The following CDR2 variants were observed in gnomAD, a reference collection of about 807,000 sequenced individuals.
The protein encoded by CDR2 is cerebellar degeneration related protein 2, also known as cerebellar degeneration-related protein 2.
A neutral mutation model predicts 48.4 loss-of-function variants in CDR2; 34 were observed. The ratio of observed to expected loss-of-function variants is 0.70; its 90% confidence interval spans 0.53 to 0.94. The LOEUF is 0.94. Ranked by LOEUF, CDR2 falls within the 40% of genes least tolerant of loss-of-function variation. The probability of loss-of-function intolerance (pLI) is 0.00; values close to 1 mark genes in which losing one functional copy is unlikely to be tolerated. For missense variants in CDR2, 498 were observed against 549.5 expected, an observed-to-expected ratio of 0.91 and a Z score of 0.94; for synonymous variants, 240 against 219.7, an observed-to-expected ratio of 1.09 and a Z score of -0.82.
chr16:22,358,683 A>G (rs2048992265), intron 2 of CDR2, among the ~76,000 whole-genome samples: 1 of 152,190 alleles, frequency 6.6e-6, no homozygotes, highest in Non-Finnish European at 1.5e-5. Flanking sequence ...TTACTATCAA[A>G]ATGAACTTCC....
intron 4 of CDR2, 167 bp downstream of exon 4, chr16:22,349,112 C>T: frequency 1.5e-6 from 1 of 665,466 alleles, no homozygotes; most frequent in South Asian, 1.9e-5. Context: ...CTACTAATAT[C>T]TAAGAACTCT....
At chr16:22,368,936 A>T (rs544222103) in intron 1 of CDR2, 1 of 152,376 alleles carries the variant, frequency 6.6e-6, no homozygotes, top group African/African-American at 2.4e-5. Flanking sequence ...GGAACTATGT[A>T]TGGCTCAACA....
intron 2 of CDR2, among the ~76,000 whole-genome samples, chr16:22,360,845 G>A: frequency 6.8e-6 from 1 of 148,052 alleles, no homozygotes; most frequent in East Asian, 2.0e-4. Flanking sequence ...CGCCCTGCAG[G>A]TTCAAGGGAT....
chr16:22,347,108 C>CA lies in CDR2; in HGVS notation c.1221dup (p.Val408CysfsTer20). 1 of 1,614,216 alleles carries CA rather than the reference C, an allele frequency of 6.2e-7. No individual in the cohort carries two copies. Among genetic ancestry groups the CA allele is most frequent in the South Asian group, 1.1e-5 (1 of 91,088 alleles). On this transcript the variant is annotated frameshift_variant, in exon 5 of 5. Transcript: ENST00000268383. LOFTEE classifies it high-confidence loss of function. ...GGGGAACTCACGGGCTCTGGGTTGA[C>CA]AGAGGCCAGTTCCCAGCCGCTGGCA...
intron 2 of CDR2, among the ~76,000 whole-genome samples, chr16:22,357,331 G>A (rs1373019462): frequency 3.3e-5 from 5 of 152,188 alleles, no homozygotes; most frequent in Non-Finnish European, 7.4e-5. Flanking sequence ...TTACAGGCAT[G>A]AGCCACCGTG....
chr16:22,355,753 A>G (rs957956917), intron 2 of CDR2, among the ~76,000 whole-genome samples: 10 of 152,186 alleles, frequency 6.6e-5, no homozygotes, highest in Admixed American at 1.3e-4. Flanking sequence ...TTACAAATAA[A>G]TTAACTTTGA....
chr16:22,370,329 C>T (rs926633940), intron 1 of CDR2, among the ~76,000 whole-genome samples: 1 of 151,992 alleles, frequency 6.6e-6, no homozygotes, highest in Non-Finnish European at 1.5e-5. Flanking sequence ...TTTTAATAAC[C>T]CTCCAAACAG....
rs145347510 is a variant in CDR2 at position 22,349,842 on chromosome 16, G to T, written c.200C>A (p.Thr67Lys). The T allele has an allele frequency of 6.2e-7, 1 of 1,613,922 alleles. No homozygotes were observed. Among genetic ancestry groups the T allele is most frequent in the Non-Finnish European group, 8.5e-7 (1 of 1,179,872 alleles). Residue 67 changes from threonine to lysine, a missense_variant, in exon 3 of 5, where the codon ACG becomes AAG. Coordinates refer to ENST00000268383, the MANE Select transcript of CDR2 (RefSeq NM_001802.2). ...CTGCCGTAGAAGTTCCACTTGCTTC[G>T]TCAGATACTGTAAGAGAAGATCAGG... The part of the protein sequence containing the change: ...QEQLQEIEYL[T>K]KQVELLRQMN...
rs760683396 is a variant in CDR2, at chr16:22,349,420, A to C, written c.365T>G (p.Leu122Arg). ...CTGGAGGTGATCAATGTTGGTTTGC[A>C]GGCATTCAATCGTTTCAGTCAGGCT... is the stretch of plus-strand genomic sequence containing the variant. The part of the protein sequence containing the change: ...ILSLTETIEC[L>R]QTNIDHLQSQ... Residue 122 changes from leucine (L) to arginine (R), a missense_variant, in exon 4 of 5, where the codon CTG becomes CGG. Leu to Arg is a moderately radical substitution (Grantham distance 102). Transcript: ENST00000268383. The C allele has an allele frequency of 6.2e-7, 1 of 1,614,168 alleles. No individual in the cohort carries two copies. Among genetic ancestry groups the C allele is most frequent in the South Asian group, 1.1e-5 (1 of 91,082 alleles).
chr16:22,355,336 T>C (rs2048968137), intron 2 of CDR2, among the ~76,000 whole-genome samples: 1 of 152,222 alleles, frequency 6.6e-6, no homozygotes, highest in Admixed American at 6.5e-5. Context: ...CTAATGCCTT[T>C]ACGATCCCCT....
Position 22,346,906 on chromosome 16 carries a change from T to G in CDR2, c.*59A>C. Reference sequence around the variant, plus strand: ...GCTTCAGAGTCTACAAACACTTGTCTGAATGGGAGAGAGAGGCGATAGGCA... The same window carrying G: ...GCTTCAGAGTCTACAAACACTTGTCGGAATGGGAGAGAGAGGCGATAGGCA... On this transcript the variant is annotated 3_prime_UTR_variant, in exon 5 of 5. Transcript: ENST00000268383. The G allele has an allele frequency of 6.5e-7, 1 of 1,538,240 alleles. No individual in the cohort carries two copies. The highest frequency in any genetic ancestry group is 8.9e-7 in the Non-Finnish European group (1 of 1,129,670).
In CDR2 at chr16:22,365,634, A is replaced by T. The variant is rs138627967; in HGVS notation, c.80-620T>A. 2.1e-3 allele frequency among the ~76,000 whole-genome samples: 326 copies of T among 152,310 alleles called. 1 individual carries two copies. Among genetic ancestry groups the T allele is most frequent in the African/African-American group, 7.6e-3 (316 of 41,562 alleles). On this transcript the variant is annotated intron_variant, in intron 1 of 4. Coordinates refer to ENST00000268383, the MANE Select transcript of CDR2 (RefSeq NM_001802.2). ...AGGTAATTACATGTCAGTAGCTCAT[A>T]CTTCCATTTAGCACAGAACCATATT...
chr16:22,347,789 T>C lies in CDR2; in HGVS notation c.541A>G (p.Ile181Val). 1 of 1,613,782 alleles carries C rather than the reference T, an allele frequency of 6.2e-7. No homozygotes were observed. Among genetic ancestry groups the C allele is most frequent in the Non-Finnish European group, 8.5e-7 (1 of 1,179,976 alleles). ...CTTGGCTGACCTTGCAAGGAAGTGA[T>C]CTTCTCAGCGAACACATGATCATAC... Reference protein sequence around the residue: ...FVYDHVFAEKITSLQGQPSPD... With the variant: ...FVYDHVFAEKVTSLQGQPSPD... The change falls in exon 5 of 5, where the codon ATC becomes GTC. Residue 181 changes from isoleucine to valine, a missense_variant. By Grantham distance (29) the Ile-to-Val change is conservative. Coordinates refer to ENST00000268383, the MANE Select transcript of CDR2 (RefSeq NM_001802.2).
intron 1 of CDR2, among the ~76,000 whole-genome samples, chr16:22,372,222 C>T (rs1332888941): frequency 3.9e-5 from 6 of 152,130 alleles, no homozygotes; most frequent in Non-Finnish European, 8.8e-5. Context: ...TTATTTTGAT[C>T]AGAGGTTAAA....
At chr16:22,353,890 C>T (rs1167574801) in intron 2 of CDR2, among the ~76,000 whole-genome samples, 1 of 152,124 alleles carries the variant, frequency 6.6e-6, no homozygotes, top group Admixed American at 6.6e-5. Flanking sequence ...TCCTTTCCAA[C>T]TAAGCACTCA....
intron 2 of CDR2, 28 bp from the exon 3 acceptor site, chr16:22,349,877 CACAA>C: frequency 6.2e-7 from 1 of 1,611,576 alleles, no homozygotes; most frequent in Non-Finnish European, 8.5e-7. Flanking sequence ...GACCAGGTGA[CACAA>C]ACAGATAAGA....
chr16:22,352,415 T>C (rs2048948538), intron 2 of CDR2, among the ~76,000 whole-genome samples: 1 of 151,308 alleles, frequency 6.6e-6, no homozygotes, highest in Non-Finnish European at 1.5e-5. Flanking sequence ...CAGCAAAGAG[T>C]TGAACAAACA....
At chr16:22,363,724 C>T (rs982993411) in intron 2 of CDR2, among the ~76,000 whole-genome samples, 1 of 152,064 alleles carries the variant, frequency 6.6e-6, no homozygotes, top group Non-Finnish European at 1.5e-5. Flanking sequence ...AGTACAGACC[C>T]TTTTTGGGGG....
At chr16:22,351,598 A>T (rs2048942558) in intron 2 of CDR2, among the ~76,000 whole-genome samples, 1 of 152,222 alleles carries the variant, frequency 6.6e-6, no homozygotes, top group Admixed American at 6.5e-5. Context: ...TGCTTTGACG[A>T]GAAATATATT....
Sources: gnomAD v4.1 joint callset for allele counts (sites outside exome capture counted in the v4.1 genomes callset) on GRCh38, gnomAD v4.1.1 for gene constraint, MANE v1.5 for transcripts, NCBI Gene and HGNC (gene_info 2026-07-23, HGNC 2026-07-21) for gene names.